The following DIP2C variants were observed in gnomAD, a reference collection of about 807,000 sequenced individuals.
DIP2C encodes DIP2 acetate--CoA ligase C (putative).
DIP2C carries 33 observed loss-of-function variants against 192.4 expected under a neutral mutation model. That is an observed-to-expected ratio of 0.17 (90% CI 0.13 to 0.23). The LOEUF is 0.23. Among genes scored for constraint, DIP2C ranks in the 10% least tolerant of loss-of-function variants. The pLI is 1.00. For synonymous variants in DIP2C, 979 were observed against 864.1 expected (o/e 1.13, Z -2.33); for missense variants, 1,537 against 2,110.1 (o/e 0.73, Z 5.32).
At position 317,965 on chromosome 10, in the gene DIP2C, C is replaced by T. The variant is rs748708482; in HGVS notation, c.3925-7873G>A. ...GGAACCAGAGAAAGAGGAGGCATCG[C>T]CTAGGAAGTCGTGGGTTTGATGACG... On this transcript the variant is annotated intron_variant, in intron 31 of 36. Coordinates refer to ENST00000280886, the MANE Select transcript of DIP2C (RefSeq NM_014974.3). Among the ~76,000 whole-genome samples, 169 of 152,324 alleles carry T rather than the reference C, an allele frequency of 1.1e-3. 1 individual carries two copies. Among genetic ancestry groups the T allele is most frequent in the Non-Finnish European group, 4.0e-4 (27 of 68,034 alleles).
At chr10:380,025 ACAG>A (rs767577241) in intron 17 of DIP2C, among the ~76,000 whole-genome samples, 11 of 111,174 alleles carry the variant, frequency 9.9e-5, no homozygotes, top group African/African-American at 1.8e-4. Context: ...TGGTTAACGC[ACAG>A]AAGAGGCTGT....
At chr10:535,936 C>T (rs761582040) in intron 1 of DIP2C, among the ~76,000 whole-genome samples, 33 of 152,354 alleles carry the variant, frequency 2.2e-4, no homozygotes, top group Non-Finnish European at 2.4e-4. Flanking sequence ...ATTTCTCTCC[C>T]ATTGCTCCCG....
At chr10:544,681 A>T (rs1848184127) in intron 1 of DIP2C, among the ~76,000 whole-genome samples, 1 of 152,156 alleles carries the variant, frequency 6.6e-6, no homozygotes, top group Non-Finnish European at 1.5e-5. Context: ...TTCTAAGATG[A>T]CTAATTCTGT....
chr10:492,193 A>AG (rs1398524156), intron 1 of DIP2C, among the ~76,000 whole-genome samples: 1 of 152,198 alleles, frequency 6.6e-6, no homozygotes, highest in East Asian at 1.9e-4. Context: ...GGCATACCCC[A>AG]GACAGCAGAC....
chr10:443,654 A>G (rs1967921902), intron 3 of DIP2C, among the ~76,000 whole-genome samples: 1 of 152,114 alleles, frequency 6.6e-6, no homozygotes, highest in African/African-American at 2.4e-5. Flanking sequence ...TCCTGCTGCA[A>G]CCCAATCCCA....
intron 1 of DIP2C, among the ~76,000 whole-genome samples, chr10:679,598 GCTCCCTGCA>G (rs1831053934): frequency 9.8e-6 from 1 of 102,102 alleles, no homozygotes; most frequent in African/African-American, 4.1e-5. Flanking sequence ...CCACACCTGT[GCTCCCTGCA>G]CCCATCTGTG....
intron 1 of DIP2C, among the ~76,000 whole-genome samples, chr10:617,223 G>GC (rs199887060): frequency 0.021 from 1,036 of 49,778 alleles, 19 homozygotes; most frequent in African/African-American, 0.048. Flanking sequence ...CACGACCTCC[G>GC]CCCCCCACTA....
intron 1 of DIP2C, among the ~76,000 whole-genome samples, chr10:487,565 GTGTTTTT>G (rs1393316331): frequency 1.2e-4 from 13 of 106,768 alleles, no homozygotes; most frequent in Non-Finnish European, 2.2e-4. Flanking sequence ...CCATCAATGA[GTGTTTTT>G]TTTTTTTTTT....
intron 1 of DIP2C, among the ~76,000 whole-genome samples, chr10:617,821 G>GCC (rs35841938): frequency 2.6e-5 from 4 of 151,940 alleles, no homozygotes; most frequent in Admixed American, 2.0e-4. Flanking sequence ...GTGGGTAACC[G>GCC]CCCCCCCAGC....
chr10:313,439 G>A (rs1454559362), intron 31 of DIP2C, among the ~76,000 whole-genome samples: 1 of 151,898 alleles, frequency 6.6e-6, no homozygotes, highest in Non-Finnish European at 1.5e-5. Flanking sequence ...AGTTTCGCAT[G>A]TTTAGATTTA....
At chr10:675,507 TAAATA>T (rs1564333298) in intron 1 of DIP2C, among the ~76,000 whole-genome samples, 1 of 149,824 alleles carries the variant, frequency 6.7e-6, no homozygotes, top group Non-Finnish European at 1.5e-5. Flanking sequence ...TTTGAAAAGA[TAAATA>T]AAATAGACAA....
intron 26 of DIP2C, among the ~76,000 whole-genome samples, chr10:347,575 G>A (rs71492990): frequency 7.4e-5 from 6 of 80,662 alleles, no homozygotes; most frequent in Admixed American, 1.4e-4. Flanking sequence ...AACCCCACAC[G>A]CACCCAGACA....
chr10:468,062 G>T (rs1474291339), intron 3 of DIP2C, among the ~76,000 whole-genome samples: 2 of 152,148 alleles, frequency 1.3e-5, no homozygotes, highest in African/African-American at 4.8e-5. Context: ...AGAAGCCACA[G>T]CCCTTTCCTT....
chr10:427,084 C>A (rs1172918737), intron 4 of DIP2C, among the ~76,000 whole-genome samples: 1 of 152,202 alleles, frequency 6.6e-6, no homozygotes, highest in Non-Finnish European at 1.5e-5. Context: ...TGGCTTATAA[C>A]AACACACGTA....
intron 1 of DIP2C, among the ~76,000 whole-genome samples, chr10:672,300 C>T (rs1457324261): frequency 2.0e-5 from 3 of 151,868 alleles, no homozygotes; most frequent in African/African-American, 4.8e-5. Context: ...CACACACGCA[C>T]GCATGGAGAA....
chr10:451,942 C>T (rs189407716), intron 3 of DIP2C, among the ~76,000 whole-genome samples: 1 of 151,808 alleles, frequency 6.6e-6, no homozygotes, highest in Non-Finnish European at 1.5e-5. Flanking sequence ...ACTGAGAAAA[C>T]AGTAACAGAA....
At chr10:574,993 AG>A (rs2131547170) in intron 1 of DIP2C, among the ~76,000 whole-genome samples, 1 of 152,342 alleles carries the variant, frequency 6.6e-6, no homozygotes, top group Non-Finnish European at 1.5e-5. Flanking sequence ...ACGAGACAGC[AG>A]AGGGAAGACC....
chr10:419,831 C>G (rs1327271345), intron 5 of DIP2C, among the ~76,000 whole-genome samples: 1 of 152,204 alleles, frequency 6.6e-6, no homozygotes, highest in Non-Finnish European at 1.5e-5. Flanking sequence ...CTAATGTGTA[C>G]TAAGGATCGT....
At chr10:481,035 C>CCA (rs1247836024) in intron 2 of DIP2C, among the ~76,000 whole-genome samples, 2 of 152,194 alleles carry the variant, frequency 1.3e-5, no homozygotes, top group South Asian at 2.1e-4. Flanking sequence ...CCGGGACCCT[C>CCA]CAGCCCAGGT....
Sources: allele counts gnomAD v4.1 joint callset (sites outside exome capture counted in the v4.1 genomes callset), GRCh38; gene constraint gnomAD v4.1.1; transcripts MANE v1.5; gene names NCBI Gene and HGNC (gene_info 2026-07-23, HGNC 2026-07-21).